The following CAB39L variants were observed in gnomAD, a reference collection of about 807,000 sequenced individuals.
CAB39L encodes the protein calcium-binding protein 39-like.
A neutral mutation model predicts 39.1 loss-of-function variants in CAB39L; 23 were observed. The ratio of observed to expected loss-of-function variants is 0.59; its 90% CI spans 0.42 to 0.83. The LOEUF (loss-of-function observed/expected upper bound fraction) is 0.83, where lower values mean the gene tolerates loss of function less well. Ranked by LOEUF, CAB39L falls within the 40% of genes least tolerant of loss-of-function variation. CAB39L has a pLI of 0.00. For missense variants in CAB39L, 366 were observed against 391.9 expected, an observed-to-expected ratio of 0.93 and a Z score of 0.56; for synonymous variants, 126 against 137.2, an observed-to-expected ratio of 0.92 and a Z score of 0.57.
At chr13:49,426,136 G>T (rs564721687) in intron 3 of CAB39L, among the ~76,000 whole-genome samples, 1 of 152,270 alleles carries the variant, frequency 6.6e-6, no homozygotes, top group Admixed American at 6.5e-5. Context: ...CCTCTACCTT[G>T]AGATTCTGCT....
At chr13:49,421,931 C>T (rs892755338) in intron 3 of CAB39L, among the ~76,000 whole-genome samples, 2 of 152,076 alleles carry the variant, frequency 1.3e-5, no homozygotes, top group Non-Finnish European at 2.9e-5. Context: ...AATAATAATA[C>T]ACAAATGTCC....
chr13:49,312,172 G>C (rs1359954583), intron 10 of CAB39L, among the ~76,000 whole-genome samples: 1 of 152,176 alleles, frequency 6.6e-6, no homozygotes, highest in Non-Finnish European at 1.5e-5. Context: ...TGGGATTACA[G>C]GCATGAGCCA....
In CAB39L at chr13:49,429,127, C is replaced by T. The variant is rs550132183; in HGVS notation, c.-32+4191G>A. Among the ~76,000 whole-genome samples the T allele has an allele frequency of 8.5e-5, 13 of 152,332 alleles. No individual in the cohort carries two copies. In the South Asian group the frequency reaches 1.0e-3, roughly 12 times the overall value. ...AGCAAATATTATTATGTTAGCCCCA[C>T]TTTACAGATAAGAAACATGAATCAA... On this transcript the variant is annotated intron_variant, in intron 3 of 10. Transcript: ENST00000409308.
At chr13:49,418,081 A>G (rs1332646056) in intron 3 of CAB39L, among the ~76,000 whole-genome samples, 1 of 152,208 alleles carries the variant, frequency 6.6e-6, no homozygotes, top group Non-Finnish European at 1.5e-5. Context: ...ACATACACCC[A>G]TACAAAAACT....
chr13:49,350,510 G>C (rs975983108), intron 7 of CAB39L, among the ~76,000 whole-genome samples: 1 of 152,100 alleles, frequency 6.6e-6, no homozygotes, highest in African/African-American at 2.4e-5. Flanking sequence ...TGTATATACT[G>C]GAATTCACTC....
intron 5 of CAB39L, among the ~76,000 whole-genome samples, chr13:49,376,269 AC>A: frequency 6.6e-6 from 1 of 152,360 alleles, no homozygotes; most frequent in South Asian, 2.1e-4. Context: ...ACAAAGCCAA[AC>A]CAGGACTTCT....
At chr13:49,352,173 C>T (rs543338257) in intron 6 of CAB39L, among the ~76,000 whole-genome samples, 5 of 151,714 alleles carry the variant, frequency 3.3e-5, no homozygotes, top group African/African-American at 9.7e-5. Flanking sequence ...GCTAGACAAA[C>T]GAAACGTCTA....
At chr13:49,359,333 CA>C (rs1030614825) in intron 6 of CAB39L, among the ~76,000 whole-genome samples, 1 of 152,034 alleles carries the variant, frequency 6.6e-6, no homozygotes, top group Non-Finnish European at 1.5e-5. Context: ...TTCCCAGAAC[CA>C]GAATATATAT....
At chr13:49,345,656 C>T (rs958711383) in intron 7 of CAB39L, among the ~76,000 whole-genome samples, 2 of 152,016 alleles carry the variant, frequency 1.3e-5, no homozygotes, top group African/African-American at 4.8e-5. Context: ...TCAAGCATCC[C>T]TCCCCTAACA....
At chr13:49,417,323 A>C (rs1287341557) in intron 3 of CAB39L, among the ~76,000 whole-genome samples, 1 of 151,982 alleles carries the variant, frequency 6.6e-6, no homozygotes, top group Non-Finnish European at 1.5e-5. Context: ...CACTTCCTTT[A>C]CTCCTATTTG....
intron 3 of CAB39L, among the ~76,000 whole-genome samples, chr13:49,416,388 A>T (rs1453396311): frequency 6.6e-6 from 1 of 152,274 alleles, no homozygotes; most frequent in African/African-American, 2.4e-5. Flanking sequence ...AAAGTTTCAC[A>T]AAACAACTGC....
At chr13:49,442,984 A>G (rs1957566845) in intron 1 of CAB39L, among the ~76,000 whole-genome samples, 1 of 151,832 alleles carries the variant, frequency 6.6e-6, no homozygotes, top group Non-Finnish European at 1.5e-5. Context: ...AAACTGCTAA[A>G]ATCTACCACA....
At chr13:49,410,238 C>G (rs1045054891) in intron 3 of CAB39L, among the ~76,000 whole-genome samples, 2 of 152,198 alleles carry the variant, frequency 1.3e-5, no homozygotes, top group Non-Finnish European at 2.9e-5. Flanking sequence ...CCCTGTCCTT[C>G]TTTGCTGGAT....
intron 5 of CAB39L, among the ~76,000 whole-genome samples, chr13:49,367,040 G>A (rs1328824002): frequency 3.3e-5 from 5 of 152,074 alleles, no homozygotes; most frequent in East Asian, 1.9e-4. Context: ...TGGATAAAAG[G>A]CTGGGTGGGG....
chr13:49,369,024 GAATA>G (rs1485018137), intron 5 of CAB39L, among the ~76,000 whole-genome samples: 1 of 151,996 alleles, frequency 6.6e-6, no homozygotes, highest in African/African-American at 2.4e-5. Flanking sequence ...CAAAAGATAT[GAATA>G]AATACTTCAT....
At chr13:49,388,255 G>GGAACAGAATCAAAGATATAACAGCGT (rs1956409974) in intron 3 of CAB39L, among the ~76,000 whole-genome samples, 1 of 152,136 alleles carries the variant, frequency 6.6e-6, no homozygotes, top group Non-Finnish European at 1.5e-5. Context: ...CATTAAAACT[G>GGAACAGAATCAAAGATATAACAGCGT]GAACAGAATC....
rs531965849 is a variant in CAB39L, at chr13:49,436,548, T to C, written c.-245-2325A>G. 1.6e-4 allele frequency among the ~76,000 whole-genome samples: 23 copies of C among 145,860 alleles called. 1 individual carries two copies. In the East Asian group the frequency reaches 4.1e-3, roughly 26 times the overall value. On this transcript the variant is annotated intron_variant, in intron 1 of 10. Transcript: ENST00000409308. Reference sequence around the variant, plus strand: ...TGGAATTTAGCTTCATTTCTTTCTTTATGACTTTTTTTTTTTTTTTTTTTT... The same window carrying C: ...TGGAATTTAGCTTCATTTCTTTCTTCATGACTTTTTTTTTTTTTTTTTTTT...
intron 3 of CAB39L, among the ~76,000 whole-genome samples, chr13:49,395,334 C>A (rs1003579009): frequency 2.0e-5 from 3 of 151,600 alleles, no homozygotes; most frequent in African/African-American, 7.3e-5. Flanking sequence ...CCCCCGGGTT[C>A]AAGCGATTCT....
At chr13:49,312,385 A>G (rs142139180) in intron 10 of CAB39L, among the ~76,000 whole-genome samples, 1 of 152,290 alleles carries the variant, frequency 6.6e-6, no homozygotes, top group East Asian at 1.9e-4. Context: ...TAAGTTCCCT[A>G]TACAGGTGTA....
Sources: allele counts gnomAD v4.1 joint callset (sites outside exome capture counted in the v4.1 genomes callset), GRCh38; gene constraint gnomAD v4.1.1; transcripts MANE v1.5; gene names NCBI Gene and HGNC (gene_info 2026-07-23, HGNC 2026-07-21).